Variants in MYO18B observed in about 807,000 individuals in gnomAD.
The protein encoded by MYO18B is unconventional myosin-XVIIIb.
A neutral mutation model predicts 273.0 loss-of-function variants in MYO18B; 204 were observed. That is an observed-to-expected ratio of 0.75 (90% CI 0.67 to 0.84). The LOEUF (loss-of-function observed/expected upper bound fraction) is 0.84. Among genes scored for constraint, MYO18B ranks in the 40% least tolerant of loss-of-function variants. The pLI is 0.00. For synonymous variants in MYO18B, 1,330 were observed against 1,305.7 expected (o/e 1.02, Z -0.40); for missense variants, 3,212 against 3,287.6 (o/e 0.98, Z 0.56).
chr22:25,935,570 G>A (rs552873937), intron 34 of MYO18B, among the ~76,000 whole-genome samples: 1 of 137,554 alleles, frequency 7.3e-6, no homozygotes, highest in East Asian at 2.0e-4. Flanking sequence ...AGGAAGTAGA[G>A]GGAAAGGGGA....
At chr22:25,952,519 A>G in intron 38 of MYO18B, 96 bp downstream of exon 38, 2 of 1,465,058 alleles carry the variant, frequency 1.4e-6, no homozygotes, top group Non-Finnish European at 1.9e-6. Flanking sequence ...ATCTACTCAC[A>G]TGCCTTCATC....
intron 3 of MYO18B, among the ~76,000 whole-genome samples, chr22:25,767,486 G>T (rs974671494): frequency 1.7e-4 from 26 of 152,226 alleles, no homozygotes; most frequent in African/African-American, 5.5e-4. Context: ...AGATCTGGAT[G>T]GTCAGGTGGT....
intron 12 of MYO18B, among the ~76,000 whole-genome samples, chr22:25,805,258 A>G (rs1357183623): frequency 6.6e-6 from 1 of 152,130 alleles, no homozygotes; most frequent in Non-Finnish European, 1.5e-5. Context: ...CCTCCAGGAG[A>G]AACCACTTGC....
chr22:26,019,328 T>A lies in MYO18B; in HGVS notation c.6471-7117T>A, dbSNP rs5019557. On this transcript the variant is annotated intron_variant, in intron 42 of 43. Transcript: ENST00000335473. ...AGCCATGGGCCTGGGGTAGGACTCC[T>A]TGGTTTAAATCCATGTTCTCCCACT... Among the ~76,000 whole-genome samples the A allele has an allele frequency of 2.2e-4, 33 of 152,164 alleles. No individual in the cohort carries two copies. In the South Asian group the frequency reaches 2.7e-3, roughly 12 times the overall value.
In MYO18B at chr22:25,883,897, G is replaced by A. The variant is rs773848365; in HGVS notation, c.4314+5849G>A. ...TAAATACTCTTCAAGCATGCAAAAT[G>A]TGCCTTGATGCAAACTGGGGTTTTT... is the stretch of plus-strand genomic sequence containing the variant. On this transcript the variant is annotated intron_variant, in intron 25 of 43. Coordinates refer to ENST00000335473, the MANE Select transcript of MYO18B (RefSeq NM_032608.7). The surrounding 1 kb of genome is among the most constrained non-coding windows in gnomAD (Gnocchi z 7.6). Among the ~76,000 whole-genome samples, 1 of 152,222 alleles carries A rather than the reference G, an allele frequency of 6.6e-6. No homozygotes were observed. The highest frequency in any genetic ancestry group is 1.5e-5 in the Non-Finnish European group (1 of 68,038).
At chr22:25,885,922 G>C (rs1024818132) in intron 25 of MYO18B, among the ~76,000 whole-genome samples, 9 of 152,182 alleles carry the variant, frequency 5.9e-5, no homozygotes, top group African/African-American at 1.9e-4. Flanking sequence ...TTACAAGATT[G>C]ACCCATTCCC....
chr22:25,993,741 G>A (rs769328855), intron 40 of MYO18B, among the ~76,000 whole-genome samples: 2 of 152,128 alleles, frequency 1.3e-5, no homozygotes, highest in African/African-American at 2.4e-5. Context: ...GTGCGAGACA[G>A]GCAAAGGAAG....
chr22:25,989,984 A>G (rs944946504), intron 39 of MYO18B, among the ~76,000 whole-genome samples: 15 of 152,176 alleles, frequency 9.9e-5, no homozygotes, highest in Non-Finnish European at 1.2e-4. Context: ...CAAGGCTGAG[A>G]TGGGGATTTC....
At position 25,840,466 on chromosome 22, in the gene MYO18B, T is replaced by G. The variant is rs143518898; in HGVS notation, c.3209-3269T>G. On this transcript the variant is annotated intron_variant, in intron 17 of 43. Coordinates refer to ENST00000335473, the MANE Select transcript of MYO18B (RefSeq NM_032608.7). The stretch of plus-strand genomic sequence containing the variant: ...CCTCCCTGGTTTTTCTCTTCCCCAC[T>G]GCATTGGTCACCAGGGCATGTCCCA... 4.6e-4 allele frequency among the ~76,000 whole-genome samples: 70 copies of G among 152,320 alleles called. No individual in the cohort carries two copies. The East Asian group carries it at 0.012, about 27-fold the overall frequency.
At chr22:25,931,927 A>G (rs998216812) in intron 34 of MYO18B, among the ~76,000 whole-genome samples, 3 of 150,868 alleles carry the variant, frequency 2.0e-5, no homozygotes, top group Non-Finnish European at 4.4e-5. Flanking sequence ...TGTAGAGATG[A>G]GGTTTCACCA....
At chr22:25,898,644 T>G (rs941441905) in intron 29 of MYO18B, 183 bp downstream of exon 29, 15 of 632,062 alleles carry the variant, frequency 2.4e-5, no homozygotes, top group African/African-American at 1.7e-4. Context: ...AGCAAGAAAT[T>G]ATTCTTTTCT....
intron 39 of MYO18B, among the ~76,000 whole-genome samples, chr22:25,978,257 C>T (rs2093114417): frequency 6.6e-6 from 1 of 152,098 alleles, no homozygotes; most frequent in Non-Finnish European, 1.5e-5. Context: ...GAGAGCACAT[C>T]ATACAGGAGG....
chr22:25,992,309 G>A, intron 39 of MYO18B, 54 bp from the exon 40 acceptor site: 1 of 1,604,810 alleles, frequency 6.2e-7, no homozygotes, highest in Non-Finnish European at 8.5e-7. Context: ...GTGCATGCAT[G>A]GGTGGTGCAT....
chr22:25,942,854 G>A (rs941302519), intron 34 of MYO18B, among the ~76,000 whole-genome samples: 2 of 152,070 alleles, frequency 1.3e-5, no homozygotes, highest in African/African-American at 4.8e-5. Context: ...ATTGACTGCT[G>A]TCTGTGTTCA....
chr22:25,921,358 G>T lies in MYO18B; in HGVS notation c.5466G>T (p.Glu1822Asp), dbSNP rs1401384909. ...TGCAGCTCCTTCTGGGCACCATGGA[G>T]GATGGCAAGACATCAGTCAGCAAGG... ...SDVQLLLGTM[E>D]DGKTSVSKEE... Residue 1822 changes from glutamate to aspartate, a missense_variant, in exon 34 of 44, where the codon GAG (glutamate) becomes GAT (aspartate). Physicochemically the swap from Glu to Asp is conservative, Grantham distance 45. Transcript: ENST00000335473. 1.9e-6 allele frequency: 3 copies of T among 1,596,064 alleles called. No homozygotes were observed. The highest frequency in any genetic ancestry group is 2.6e-6 in the Non-Finnish European group (3 of 1,171,448).
chr22:25,811,550 A>G (rs1189258121), intron 12 of MYO18B, among the ~76,000 whole-genome samples: 1 of 152,142 alleles, frequency 6.6e-6, no homozygotes, highest in African/African-American at 2.4e-5. Flanking sequence ...CATTTAACAC[A>G]TATGTGGATT....
chr22:25,902,666 T>C lies in MYO18B; in HGVS notation c.4877T>C (p.Leu1626Pro), dbSNP rs1455449409. The change falls in exon 30 of 44, where the codon CTC becomes CCC. Residue 1626 changes from leucine to proline, a missense_variant. Leu to Pro is a moderately conservative substitution (Grantham distance 98). Coordinates refer to ENST00000335473, the MANE Select transcript of MYO18B (RefSeq NM_032608.7). ...GGTGAGTCAGTGTTTGAGAAGGGTCTCCGTGAGAAAGTGACCCAGGAGAAC... is the reference window on the plus strand; with the variant it reads ...GGTGAGTCAGTGTTTGAGAAGGGTCCCCGTGAGAAAGTGACCCAGGAGAAC... ...ALGESVFEKGLREKVTQENTS... is the reference protein window; with the variant it reads ...ALGESVFEKGPREKVTQENTS... 1.2e-6 allele frequency: 2 copies of C among 1,601,268 alleles called. No homozygotes were observed. The highest frequency in any genetic ancestry group is 1.7e-6 in the Non-Finnish European group (2 of 1,173,748).
At chr22:25,945,448 G>C (rs1381182494) in intron 34 of MYO18B, among the ~76,000 whole-genome samples, 1 of 151,994 alleles carries the variant, frequency 6.6e-6, no homozygotes, top group African/African-American at 2.4e-5. Context: ...CTTCAGCAAG[G>C]ATTTGCTGAA....
chr22:26,059,780 G>A, the MYO18B span, among the ~76,000 whole-genome samples: 1 of 152,178 alleles, frequency 6.6e-6, no homozygotes, highest in Non-Finnish European at 1.5e-5. Context: ...GGTTAATTAC[G>A]TACAATTCAA....
Sources: allele counts gnomAD v4.1 joint callset (sites outside exome capture counted in the v4.1 genomes callset), GRCh38; gene constraint gnomAD v4.1.1; non-coding constraint Gnocchi (gnomAD v3.1); transcripts MANE v1.5; gene names NCBI Gene and HGNC (gene_info 2026-07-23, HGNC 2026-07-21).